The following ADTRP variants were observed in gnomAD, a reference collection of about 807,000 sequenced individuals.
The protein encoded by ADTRP is androgen-dependent TFPI-regulating protein.
ADTRP carries 20 observed loss-of-function variants against 27.0 expected under a neutral mutation model. That is an observed-to-expected ratio of 0.74 (90% CI 0.52 to 1.08). The LOEUF (loss-of-function observed/expected upper bound fraction) is 1.08, where lower values mean the gene tolerates loss of function less well. Ranked by LOEUF, ADTRP falls within the 50% of genes least tolerant of loss-of-function variation. The pLI is 0.00. For missense variants in ADTRP, 251 were observed against 275.0 expected, an observed-to-expected ratio of 0.91 and a Z score of 0.62; for synonymous variants, 101 against 105.2, an observed-to-expected ratio of 0.96 and a Z score of 0.25.
In ADTRP at chr6:11,720,223, C is replaced by T. The variant is rs150976508; in HGVS notation, c.658+3126G>A. 3.3e-5 allele frequency among the ~76,000 whole-genome samples: 5 copies of T among 152,276 alleles called. No individual in the cohort carries two copies. The East Asian group carries it at 7.7e-4, about 23-fold the overall frequency. ...CTTAGCTCTGGCTTTGGACAGAATA[C>T]GTGGCTATCTATAAGTTTCCAGAAC... On this transcript the variant is annotated intron_variant, in intron 5 of 5. Coordinates refer to ENST00000414691, the MANE Select transcript of ADTRP (RefSeq NM_032744.4).
intron 3 of ADTRP, among the ~76,000 whole-genome samples, chr6:11,753,128 T>G (rs528417570): frequency 2.9e-4 from 44 of 152,206 alleles, no homozygotes; most frequent in Admixed American, 5.2e-4. Flanking sequence ...ATTCTTTTCA[T>G]GAACTAGAAA....
intron 1 of ADTRP, among the ~76,000 whole-genome samples, chr6:11,774,435 C>T (rs1288019045): frequency 6.6e-6 from 1 of 152,146 alleles, no homozygotes; most frequent in Non-Finnish European, 1.5e-5. Context: ...TCACAGGCTG[C>T]CTTGAAGTTT....
At chr6:11,761,822 TA>T (rs1763397298) in intron 3 of ADTRP, among the ~76,000 whole-genome samples, 1 of 152,192 alleles carries the variant, frequency 6.6e-6, no homozygotes, top group Non-Finnish European at 1.5e-5. Context: ...AAACAGTCTA[TA>T]GATATTTTCA....
At chr6:11,732,603 TTAAG>T (rs1762424965) in intron 4 of ADTRP, among the ~76,000 whole-genome samples, 1 of 152,174 alleles carries the variant, frequency 6.6e-6, no homozygotes, top group Non-Finnish European at 1.5e-5. Context: ...ACACCCTCCT[TTAAG>T]TGTCTATATT....
chr6:11,764,453 G>A (rs1392610720), intron 3 of ADTRP, among the ~76,000 whole-genome samples: 1 of 151,928 alleles, frequency 6.6e-6, no homozygotes, highest in Non-Finnish European at 1.5e-5. Flanking sequence ...ACTCTGCTTT[G>A]TTATTATTTT....
chr6:11,719,764 G>T (rs1022720674), intron 5 of ADTRP, among the ~76,000 whole-genome samples: 1 of 152,194 alleles, frequency 6.6e-6, no homozygotes, highest in Non-Finnish European at 1.5e-5. Flanking sequence ...ACCTGAGGAC[G>T]TGCATCATCT....
intron 2 of ADTRP, 80 bp downstream of exon 2, chr6:11,768,169 C>T (rs745603818): frequency 6.4e-7 from 1 of 1,555,462 alleles, no homozygotes; most frequent in Non-Finnish European, 8.7e-7. Context: ...TATGGGCTCC[C>T]AAACAGCTTG....
chr6:11,756,069 G>T (rs1367094003), intron 3 of ADTRP, among the ~76,000 whole-genome samples: 2 of 152,188 alleles, frequency 1.3e-5, no homozygotes, highest in African/African-American at 4.8e-5. Context: ...GGCAAGAGCA[G>T]ATTTTAGAAT....
chr6:11,775,146 A>AG (rs1300909414), intron 1 of ADTRP, among the ~76,000 whole-genome samples: 1 of 152,120 alleles, frequency 6.6e-6, no homozygotes. Flanking sequence ...ATGAAGGGGA[A>AG]GGGGGTGGAT....
intron 1 of ADTRP, 129 bp from the exon 2 acceptor site, chr6:11,768,512 T>A: frequency 8.1e-7 from 1 of 1,236,456 alleles, no homozygotes; most frequent in Non-Finnish European, 1.1e-6. Context: ...GTTGTTTTGG[T>A]TGAGAGCCAA....
rs921308672 is a variant in ADTRP, at chr6:11,765,331, T to G, written c.390+943A>C. On this transcript the variant is annotated intron_variant, in intron 3 of 5. Coordinates refer to ENST00000414691, the MANE Select transcript of ADTRP (RefSeq NM_032744.4). ...TGCCTTTCCCCTGGTTTGTTTTTTTTTTTTTTTTTTTTTGAGGCAGAGTTT... is the reference window on the plus strand; with the variant it reads ...TGCCTTTCCCCTGGTTTGTTTTTTTGTTTTTTTTTTTTTGAGGCAGAGTTT... 1.3e-4 allele frequency among the ~76,000 whole-genome samples: 18 copies of G among 143,986 alleles called. 1 individual carries two copies. Among genetic ancestry groups the G allele is most frequent in the African/African-American group, 4.1e-4 (16 of 39,114 alleles). 94.5% of individuals were successfully genotyped at this position (143,986 alleles called of 152,430 possible).
chr6:11,778,521 T>C, intron 1 of ADTRP, 86 bp downstream of exon 1: 1 of 1,447,660 alleles, frequency 6.9e-7, no homozygotes, highest in South Asian at 1.5e-5. Context: ...AAATTGTGTA[T>C]TTAATAAAAT....
chr6:11,764,748 A>G (rs1213253799), intron 3 of ADTRP, among the ~76,000 whole-genome samples: 8 of 152,168 alleles, frequency 5.3e-5, no homozygotes, highest in Non-Finnish European at 7.3e-5. Context: ...CCTCAGGCAC[A>G]TCACTTATCC....
At chr6:11,770,149 G>A in intron 1 of ADTRP, 1 of 1,462,002 alleles carries the variant, frequency 6.8e-7, no homozygotes, top group Non-Finnish European at 9.4e-7. Flanking sequence ...AAGCATTGTG[G>A]GAGGTCAGAA....
chr6:11,739,082 A>G (rs1366309998), intron 3 of ADTRP, among the ~76,000 whole-genome samples: 1 of 152,228 alleles, frequency 6.6e-6, no homozygotes, highest in Non-Finnish European at 1.5e-5. Context: ...GAGAAAAATA[A>G]AATATGTTTT....
At chr6:11,774,019 G>C (rs1245181348) in intron 1 of ADTRP, among the ~76,000 whole-genome samples, 1 of 152,174 alleles carries the variant, frequency 6.6e-6, no homozygotes, top group Non-Finnish European at 1.5e-5. Context: ...GCTGAAGAGT[G>C]CCATAGGGGT....
intron 4 of ADTRP, among the ~76,000 whole-genome samples, chr6:11,730,338 G>A (rs1448942496): frequency 6.6e-6 from 1 of 152,204 alleles, no homozygotes; most frequent in Non-Finnish European, 1.5e-5. Context: ...GGTTGACCTG[G>A]ATGATCTCAG....
intron 3 of ADTRP, among the ~76,000 whole-genome samples, chr6:11,744,011 C>T (rs1408852895): frequency 6.6e-6 from 1 of 152,192 alleles, no homozygotes; most frequent in Non-Finnish European, 1.5e-5. Flanking sequence ...AATTTGATCT[C>T]CATTGTTAAA....
chr6:11,731,882 T>C (rs1340352814), intron 4 of ADTRP, among the ~76,000 whole-genome samples: 2 of 152,206 alleles, frequency 1.3e-5, no homozygotes, highest in Non-Finnish European at 2.9e-5. Context: ...AACATTGCTT[T>C]TCTGGGCAGG....
Sources: allele counts gnomAD v4.1 joint callset (sites outside exome capture counted in the v4.1 genomes callset), GRCh38; gene constraint gnomAD v4.1.1; transcripts MANE v1.5; gene names NCBI Gene and HGNC (gene_info 2026-07-23, HGNC 2026-07-21).